Variants in TPX2 observed in about 807,000 individuals in gnomAD.
TPX2 encodes TPX2 microtubule nucleation factor.
Under a neutral mutation model 93.6 loss-of-function variants are expected in TPX2, and 21 were observed. The observed-to-expected ratio is 0.22, with a 90% confidence interval of 0.16 to 0.32. The LOEUF (loss-of-function observed/expected upper bound fraction) is 0.32. TPX2 is among the 10% of genes least tolerant of loss of function. TPX2 has a pLI of 1.00. For synonymous variants in TPX2, 281 were observed against 298.3 expected (o/e 0.94, Z 0.60); for missense variants, 776 against 871.1 (o/e 0.89, Z 1.37).
chr20:31,768,300 A>C (rs1307594405), intron 5 of TPX2, among the ~76,000 whole-genome samples: 1 of 145,374 alleles, frequency 6.9e-6, no homozygotes, highest in Non-Finnish European at 1.5e-5. Context: ...GCAGTGGGCG[A>C]TCTTGGCTCA....
intron 5 of TPX2, among the ~76,000 whole-genome samples, chr20:31,768,854 CT>C (rs2061945798): frequency 6.6e-6 from 1 of 152,176 alleles, no homozygotes; most frequent in African/African-American, 2.4e-5. Context: ...CTCAGTTTCA[CT>C]GATCATCAGA....
intron 16 of TPX2, 127 bp downstream of exon 16, chr20:31,797,642 T>C: frequency 1.2e-6 from 1 of 846,520 alleles, no homozygotes; most frequent in Non-Finnish European, 1.8e-6. Flanking sequence ...AGATGGTAGC[T>C]TTTCTTCCCC....
chr20:31,770,970 G>C (rs1396634555), intron 6 of TPX2, among the ~76,000 whole-genome samples: 1 of 131,078 alleles, frequency 7.6e-6, no homozygotes, highest in Non-Finnish European at 1.6e-5. Flanking sequence ...TCTTTTGCTT[G>C]TTGTCTCACT....
chr20:31,746,185 T>G (rs1206740795), intron 2 of TPX2, among the ~76,000 whole-genome samples: 1 of 152,178 alleles, frequency 6.6e-6, no homozygotes, highest in East Asian at 1.9e-4. Context: ...CAGATCCAAT[T>G]TCAACATAGA....
chr20:31,766,454 G>GGTGTGTGTGTGTGTGTGTGTGTATGTGT (rs2061925409), intron 4 of TPX2, 102 bp from the exon 5 acceptor site: 2 of 680,734 alleles, frequency 2.9e-6, no homozygotes, highest in African/African-American at 4.3e-5. Flanking sequence ...GCTTAGACAG[G>GGTGTGTGTGTGTGTGTGTGTGTATGTGT]GTGTGTGTGT....
chr20:31,787,884 G>A (rs1243255857), intron 12 of TPX2, among the ~76,000 whole-genome samples: 1 of 152,188 alleles, frequency 6.6e-6, no homozygotes, highest in Non-Finnish European at 1.5e-5. Context: ...TTGTCAGGGT[G>A]AAATTCAACA....
At chr20:31,767,346 G>T (rs181570354) in intron 5 of TPX2, among the ~76,000 whole-genome samples, 4 of 151,852 alleles carry the variant, frequency 2.6e-5, no homozygotes, top group Admixed American at 2.0e-4. Context: ...AAATATCTTT[G>T]TTCTTCTGTA....
rs754732212 is a variant in TPX2 at position 31,792,768 on chromosome 20, G to A, written c.1447G>A (p.Val483Ile). 1.6e-5 allele frequency: 26 copies of A among 1,614,066 alleles called. No individual in the cohort carries two copies. The highest frequency in any genetic ancestry group is 1.0e-4 in the Admixed American group (6 of 60,010). ...VPEKKVLPITVPKSPAFALKN... is the reference protein window; with the variant it reads ...VPEKKVLPITIPKSPAFALKN... ...TGAAAAGAAGGTACTTCCAATCACC[G>A]TCCCCAAGTCACCAGCCTTTGCATT... Residue 483 changes from valine (V) to isoleucine (I), a missense_variant, in exon 13 of 18, where the codon GTC becomes ATC. This residue lies in a region of TPX2 where 461 missense variants were observed against 551.2 expected (regional missense o/e 0.84). Coordinates refer to ENST00000300403, the MANE Select transcript of TPX2 (RefSeq NM_012112.5).
At chr20:31,791,360 TG>T (rs2062100081) in intron 12 of TPX2, among the ~76,000 whole-genome samples, 2 of 152,216 alleles carry the variant, frequency 1.3e-5, no homozygotes, top group African/African-American at 2.4e-5. Context: ...CTTGGCTCAC[TG>T]CAAGCTCCGC....
intron 12 of TPX2, among the ~76,000 whole-genome samples, chr20:31,787,021 G>A (rs1206827381): frequency 6.6e-6 from 1 of 151,950 alleles, no homozygotes; most frequent in East Asian, 1.9e-4. Context: ...AGGGAGCCCA[G>A]ATAAAGCACT....
Position 31,797,521 on chromosome 20 carries a change from A to G in TPX2, c.1945+6A>G. 2.5e-6 allele frequency: 4 copies of G among 1,612,736 alleles called. No individual in the cohort carries two copies. The highest frequency in any genetic ancestry group is 3.4e-6 in the Non-Finnish European group (4 of 1,179,000). ...AGAGAAGAAATCAGTTGCTGGTAGT[A>G]TTATATGTACTCTGATGGGACTCGG... is the stretch of plus-strand genomic sequence containing the variant. On this transcript the variant is annotated splice_donor_region_variant and intron_variant, in intron 16 of 17. Coordinates refer to ENST00000300403, the MANE Select transcript of TPX2 (RefSeq NM_012112.5).
In TPX2 at chr20:31,776,003, G is replaced by A; in HGVS notation, c.730+15G>A. ...GGCTGGAATAGGTGAGCTTGGCTGT[G>A]GTTGAGTCTGATTCATGAGGGGTGG... On this transcript the variant is annotated intron_variant, in intron 8 of 17. Transcript: ENST00000300403. The A allele has an allele frequency of 6.9e-7, 1 of 1,445,318 alleles. No individual in the cohort carries two copies. The highest frequency in any genetic ancestry group is 1.4e-5 in the African/African-American group (1 of 70,316). The allele number at this position is 1,445,318 out of a possible 1,614,324, so 89.5% of individuals were successfully genotyped here. A position where few individuals can be genotyped will look rare whatever the true frequency, so the allele number is the denominator to read the frequency against.
At chr20:31,761,822 A>C (rs1400398920) in intron 4 of TPX2, among the ~76,000 whole-genome samples, 1 of 152,066 alleles carries the variant, frequency 6.6e-6, no homozygotes, top group Non-Finnish European at 1.5e-5. Context: ...TTTTTTGAGG[A>C]GCCTCCATAC....
At chr20:31,777,240 T>C (rs1289587041) in intron 8 of TPX2, among the ~76,000 whole-genome samples, 1 of 152,222 alleles carries the variant, frequency 6.6e-6, no homozygotes, top group African/African-American at 2.4e-5. Context: ...ATGGGATTCT[T>C]CTACCCTGTG....
At chr20:31,794,252 C>A in intron 14 of TPX2, 150 bp from the exon 15 acceptor site, 1 of 1,181,852 alleles carries the variant, frequency 8.5e-7, no homozygotes, top group Non-Finnish European at 1.2e-6. Context: ...AGGAGGAAAG[C>A]CTAGATTTCC....
At position 31,783,727 on chromosome 20, in the gene TPX2, C is replaced by A; in HGVS notation, c.1219C>A (p.Leu407Ile). 1 of 1,606,346 alleles carries A rather than the reference C, an allele frequency of 6.2e-7. No individual in the cohort carries two copies. Among genetic ancestry groups the A allele is most frequent in the South Asian group, 1.1e-5 (1 of 88,986 alleles). The stretch of plus-strand genomic sequence containing the variant: ...CAGATACAAATTCAAAGCACGTGAA[C>A]TTGATCCCAGAATACTTGAAGGTGG... Reference protein sequence around the residue: ...LQQYKFKARELDPRILEGGPI... With the variant: ...LQQYKFKAREIDPRILEGGPI... Residue 407 changes from leucine (L) to isoleucine (I), a missense_variant, in exon 12 of 18, where the codon CTT (leucine) becomes ATT (isoleucine). Physicochemically the swap from Leu to Ile is conservative, Grantham distance 5. Coordinates refer to ENST00000300403, the MANE Select transcript of TPX2 (RefSeq NM_012112.5).
At chr20:31,750,452 C>CTATTTATTTATT (rs60982252) in intron 2 of TPX2, among the ~76,000 whole-genome samples, 4 of 146,670 alleles carry the variant, frequency 2.7e-5, no homozygotes, top group Non-Finnish European at 4.5e-5. Context: ...CCGTGCCCGG[C>CTATTTATTTATT]TATTTATTTA....
chr20:31,782,620 G>A lies in TPX2; in HGVS notation c.1196+230G>A, dbSNP rs562873850. On this transcript the variant is annotated intron_variant, in intron 11 of 17. Transcript: ENST00000300403. ...AATTGAATCCAGGCTGGGTGTGGTG[G>A]TTCACACCTGTAATCCCAGTACCTT... 3.9e-5 allele frequency among the ~76,000 whole-genome samples: 6 copies of A among 152,170 alleles called. No homozygotes were observed. In the South Asian group the frequency reaches 1.2e-3, roughly 32 times the overall value.
intron 11 of TPX2, among the ~76,000 whole-genome samples, chr20:31,783,407 C>A (rs1295316179): frequency 6.6e-6 from 1 of 151,832 alleles, no homozygotes; most frequent in Non-Finnish European, 1.5e-5. Flanking sequence ...TGCACCACCA[C>A]GCCCAGCTAA....
Sources: gnomAD v4.1 joint callset for allele counts (sites outside exome capture counted in the v4.1 genomes callset) on GRCh38, gnomAD v4.1.1 for gene constraint, gnomAD v4.1.1 regional missense constraint, MANE v1.5 for transcripts, NCBI Gene and HGNC (gene_info 2026-07-23, HGNC 2026-07-21) for gene names.